ADD3: variants seen among roughly 807,000 people sequenced by gnomAD.
ADD3 encodes adducin 3.
ADD3 carries 25 observed loss-of-function variants against 80.2 expected under a neutral mutation model. The ratio of observed to expected loss-of-function variants is 0.31; its 90% CI spans 0.23 to 0.44. The LOEUF (loss-of-function observed/expected upper bound fraction) is 0.44, where lower values mean the gene tolerates loss of function less well. Ranked by LOEUF, ADD3 falls within the 20% of genes least tolerant of loss-of-function variation. The pLI is 1.00. For missense variants in ADD3, 829 were observed against 847.5 expected (o/e 0.98, Z 0.27); for synonymous variants, 284 against 289.6 (o/e 0.98, Z 0.20).
chr10:110,116,277 C>T lies in ADD3; in HGVS notation c.353C>T (p.Pro118Leu). 1 of 1,614,052 alleles carries T rather than the reference C, an allele frequency of 6.2e-7. No homozygotes were observed. Among genetic ancestry groups the T allele is most frequent in the Non-Finnish European group, 8.5e-7 (1 of 1,179,956 alleles). ...CTTTTAGGTCTTGGCATGGTCACAC[C>T]TATCAATGACCTTCCTGGTGCAGAT... ...SPPLSLGMVTPINDLPGADTS... is the reference protein window; with the variant it reads ...SPPLSLGMVTLINDLPGADTS... The change falls in exon 4 of 15, where the codon CCT (proline) becomes CTT (leucine). Residue 118 changes from proline (P) to leucine (L), a missense_variant. Pro to Leu is a moderately conservative substitution (Grantham distance 98, BLOSUM62 -3). Coordinates refer to ENST00000356080, the MANE Select transcript of ADD3 (RefSeq NM_016824.5).
chr10:110,067,012 CG>C (rs1181330778), intron 1 of ADD3, among the ~76,000 whole-genome samples: 1 of 152,164 alleles, frequency 6.6e-6, no homozygotes, highest in Non-Finnish European at 1.5e-5. Flanking sequence ...GTTAAGAACA[CG>C]GGTCTAGGTG....
At chr10:110,052,532 T>A (rs1414490760) in intron 1 of ADD3, among the ~76,000 whole-genome samples, 1 of 152,210 alleles carries the variant, frequency 6.6e-6, no homozygotes, top group Non-Finnish European at 1.5e-5. Context: ...GAGCCACAGT[T>A]CCATTGGGAA....
At chr10:110,018,113 C>T (rs1853210232) in intron 1 of ADD3, among the ~76,000 whole-genome samples, 1 of 152,136 alleles carries the variant, frequency 6.6e-6, no homozygotes, top group Non-Finnish European at 1.5e-5. Context: ...CCCAGTCAAA[C>T]ATAGGAATGG....
intron 1 of ADD3, among the ~76,000 whole-genome samples, chr10:110,035,869 C>G (rs1430491866): frequency 6.6e-6 from 1 of 152,124 alleles, no homozygotes; most frequent in Non-Finnish European, 1.5e-5. Flanking sequence ...AGCCTATCAT[C>G]TGCCAGGCGC....
chr10:110,114,457 CAAAG>C (rs1850439770), intron 3 of ADD3, among the ~76,000 whole-genome samples: 1 of 152,074 alleles, frequency 6.6e-6, no homozygotes, highest in South Asian at 2.1e-4. Context: ...AATGAATTTA[CAAAG>C]AAAGGGGCTA....
chr10:110,117,302 G>T, intron 4 of ADD3, 40 bp from the exon 5 acceptor site: 1 of 1,057,036 alleles, frequency 9.5e-7, no homozygotes, highest in Non-Finnish European at 1.5e-6. Flanking sequence ...TGCAAAATAT[G>T]AACCACTTCA....
intron 2 of ADD3, among the ~76,000 whole-genome samples, chr10:110,109,869 A>G (rs1186136699): frequency 6.6e-6 from 1 of 151,208 alleles, no homozygotes; most frequent in Non-Finnish European, 1.5e-5. Flanking sequence ...TTATCTTCAC[A>G]GGGTCTTGGA....
intron 1 of ADD3, among the ~76,000 whole-genome samples, chr10:110,071,492 A>G (rs1844705750): frequency 1.3e-5 from 2 of 152,238 alleles, no homozygotes; most frequent in Non-Finnish European, 2.9e-5. Context: ...TATTGTGGCT[A>G]TATTTCATTT....
intron 2 of ADD3, among the ~76,000 whole-genome samples, chr10:110,102,055 G>A (rs938140011): frequency 2.6e-5 from 4 of 152,080 alleles, no homozygotes; most frequent in African/African-American, 9.7e-5. Context: ...CCATACCAGT[G>A]GCCTCGGTGA....
chr10:110,051,673 A>G (rs12251721), intron 1 of ADD3, among the ~76,000 whole-genome samples: 18,964 of 152,246 alleles, frequency 0.12, 3,779 homozygotes, highest in African/African-American at 0.42. Context: ...GCATTCTCCA[A>G]TTTTTGTAAA....
At chr10:110,116,755 A>G (rs1850782880) in intron 4 of ADD3, among the ~76,000 whole-genome samples, 1 of 152,244 alleles carries the variant, frequency 6.6e-6, no homozygotes, top group South Asian at 2.1e-4. Flanking sequence ...AAGATAGAGG[A>G]GGTCAGGGAA....
chr10:109,999,114 T>C (rs1335731336), intron 1 of ADD3, among the ~76,000 whole-genome samples: 2 of 152,082 alleles, frequency 1.3e-5, no homozygotes, highest in Non-Finnish European at 2.9e-5. Context: ...TGACTGGAAG[T>C]GTGGCAACTT....
At chr10:110,053,199 A>G (rs1454761644) in intron 1 of ADD3, among the ~76,000 whole-genome samples, 1 of 152,110 alleles carries the variant, frequency 6.6e-6, no homozygotes, top group African/African-American at 2.4e-5. Flanking sequence ...CTACATTTTC[A>G]CATTTAGTTC....
rs573835264 is a variant in ADD3 at position 110,030,711 on chromosome 10, T to C, written c.-30+22412T>C. On this transcript the variant is annotated intron_variant, in intron 1 of 14. Transcript: ENST00000356080. ...GAGATGTGCTGCAATTATAAAAATA[T>C]ACAGATTTCAAAGACCTAGTACAAG... Among the ~76,000 whole-genome samples, 9 of 151,782 alleles carry C rather than the reference T, an allele frequency of 5.9e-5. No individual in the cohort carries two copies. The East Asian group carries it at 9.6e-4, about 16-fold the overall frequency.
chr10:110,090,232 T>C (rs1590072400), intron 1 of ADD3, among the ~76,000 whole-genome samples: 1 of 150,840 alleles, frequency 6.6e-6, no homozygotes, highest in Non-Finnish European at 1.5e-5. Flanking sequence ...TTTTTTTTTT[T>C]TTTGGCAGAC....
chr10:110,021,821 A>G (rs2133089852), intron 1 of ADD3, among the ~76,000 whole-genome samples: 1 of 152,332 alleles, frequency 6.6e-6, no homozygotes. Flanking sequence ...TTGCGAATAT[A>G]CTGAAAACCA....
chr10:110,113,026 C>G, intron 3 of ADD3, 111 bp downstream of exon 3: 1 of 1,161,392 alleles, frequency 8.6e-7, no homozygotes, highest in East Asian at 2.4e-5. Context: ...TTTATAACAT[C>G]TAATACTTAG....
intron 1 of ADD3, among the ~76,000 whole-genome samples, chr10:110,026,724 A>T (rs6584965): frequency 0.13 from 18,939 of 151,486 alleles, 3,773 homozygotes; most frequent in African/African-American, 0.42. Flanking sequence ...TAAAAATCTT[A>T]TAGGTCAGTT....
intron 6 of ADD3, 147 bp from the exon 7 acceptor site, chr10:110,119,063 TG>T: frequency 1.2e-6 from 1 of 811,678 alleles, no homozygotes; most frequent in Non-Finnish European, 1.9e-6. Context: ...AGAAACAAAA[TG>T]GGAAGTGAAT....
Sources: allele counts gnomAD v4.1 joint callset (sites outside exome capture counted in the v4.1 genomes callset), GRCh38; gene constraint gnomAD v4.1.1; transcripts MANE v1.5; gene names NCBI Gene and HGNC (gene_info 2026-07-23, HGNC 2026-07-21).